Variants in ADAMTS20 observed in about 807,000 individuals in gnomAD.
ADAMTS20 encodes the protein ADAM metallopeptidase with thrombospondin type 1 motif 20.
Under a neutral mutation model 260.1 loss-of-function variants are expected in ADAMTS20, and 225 were observed. The ratio of observed to expected loss-of-function variants is 0.87; its 90% CI spans 0.78 to 0.97. The LOEUF (loss-of-function observed/expected upper bound fraction) is 0.97, where lower values mean the gene tolerates loss of function less well. ADAMTS20 is among the 50% of genes least tolerant of loss of function. ADAMTS20 has a pLI of 0.00. For missense variants in ADAMTS20, 2,400 were observed against 2,337.7 expected (o/e 1.03, Z -0.55); for synonymous variants, 802 against 769.5 (o/e 1.04, Z -0.70).
At chr12:43,501,347 A>G (rs1157729587) in intron 4 of ADAMTS20, among the ~76,000 whole-genome samples, 4 of 151,968 alleles carry the variant, frequency 2.6e-5, no homozygotes, top group Non-Finnish European at 5.9e-5. Flanking sequence ...AGTGTGAGCT[A>G]CCACACCTGG....
chr12:43,473,151 G>T, intron 7 of ADAMTS20, among the ~76,000 whole-genome samples: 1 of 60,770 alleles, frequency 1.6e-5, no homozygotes. Flanking sequence ...GATCTACCAA[G>T]CAAATGGAAA....
Position 43,432,419 on chromosome 12 carries a change from A to T in ADAMTS20, c.2981T>A (p.Met994Lys), listed in dbSNP as rs763642933. The T allele has an allele frequency of 1.1e-5, 18 of 1,613,688 alleles. No individual in the cohort carries two copies. The highest frequency in any genetic ancestry group is 5.0e-5 in the Admixed American group (3 of 59,956). Residue 994 changes from methionine to lysine, a missense_variant, in exon 21 of 39, where the codon ATG becomes AAG. Coordinates refer to ENST00000389420, the MANE Select transcript of ADAMTS20 (RefSeq NM_025003.5). The stretch of plus-strand genomic sequence containing the variant: ...AGCAAGACGATGGCCAAAGTTATTC[A>T]TACAATAAGATTCTCGAGACCTTTC... ...GGERSRESYC[M>K]NNFGHRLADN...
chr12:43,464,550 T>C (rs1000190800), intron 10 of ADAMTS20, 41 bp downstream of exon 10: 8 of 1,597,194 alleles, frequency 5.0e-6, no homozygotes, highest in Non-Finnish European at 6.8e-6. Flanking sequence ...GATAACTTTA[T>C]GGCAGTTTTC....
chr12:43,429,192 T>G (rs994064296), intron 24 of ADAMTS20, among the ~76,000 whole-genome samples: 1 of 152,070 alleles, frequency 6.6e-6, no homozygotes, highest in African/African-American at 2.4e-5. Flanking sequence ...ATTAAAATAT[T>G]CAGAGAATAT....
chr12:43,424,483 AC>A (rs1941293073), intron 28 of ADAMTS20, among the ~76,000 whole-genome samples: 1 of 152,156 alleles, frequency 6.6e-6, no homozygotes, highest in South Asian at 2.1e-4. Context: ...AAAACTGTAA[AC>A]AAGTTCTGTT....
At chr12:43,379,375 G>C (rs941240463) in intron 31 of ADAMTS20, among the ~76,000 whole-genome samples, 3 of 152,092 alleles carry the variant, frequency 2.0e-5, no homozygotes, top group African/African-American at 7.2e-5. Flanking sequence ...TGTATTAATG[G>C]GATCTAGATG....
chr12:43,407,037 T>G (rs1940932159), intron 28 of ADAMTS20, among the ~76,000 whole-genome samples: 1 of 151,992 alleles, frequency 6.6e-6, no homozygotes, highest in South Asian at 2.1e-4. Flanking sequence ...ATACTTACAG[T>G]TTTAAAGTTT....
chr12:43,411,017 T>A (rs571545259), intron 28 of ADAMTS20, among the ~76,000 whole-genome samples: 2 of 152,144 alleles, frequency 1.3e-5, no homozygotes, highest in Non-Finnish European at 2.9e-5. Context: ...TTTAAAGATA[T>A]GATAAAAAGA....
intron 29 of ADAMTS20, among the ~76,000 whole-genome samples, chr12:43,391,545 T>G (rs1011036500): frequency 3.9e-5 from 6 of 152,108 alleles, no homozygotes; most frequent in African/African-American, 1.4e-4. Context: ...GTTAAAAAAG[T>G]GTAGAGTATG....
At chr12:43,524,605 T>C (rs1401913365) in intron 3 of ADAMTS20, among the ~76,000 whole-genome samples, 1 of 151,846 alleles carries the variant, frequency 6.6e-6, no homozygotes, top group Non-Finnish European at 1.5e-5. Context: ...ATAAAGAAAT[T>C]TAAAAAACAA....
intron 29 of ADAMTS20, among the ~76,000 whole-genome samples, chr12:43,386,316 ACT>A (rs1431632755): frequency 3.3e-5 from 5 of 151,864 alleles, no homozygotes; most frequent in Non-Finnish European, 7.4e-5. Flanking sequence ...ATCGGCCCCC[ACT>A]CTCTTCTGGC....
chr12:43,540,945 T>C (rs374452188), intron 2 of ADAMTS20, among the ~76,000 whole-genome samples: 1 of 152,194 alleles, frequency 6.6e-6, no homozygotes, highest in African/African-American at 2.4e-5. Flanking sequence ...ATAAAATTGT[T>C]TTTCCAAAAT....
chr12:43,541,910 C>A (rs972066914), intron 2 of ADAMTS20, among the ~76,000 whole-genome samples: 3 of 152,156 alleles, frequency 2.0e-5, no homozygotes, highest in African/African-American at 7.2e-5. Context: ...TGGTACCTTA[C>A]CTTTTTAAAA....
chr12:43,375,051 A>C (rs561957286), intron 36 of ADAMTS20, among the ~76,000 whole-genome samples: 1 of 152,028 alleles, frequency 6.6e-6, no homozygotes, highest in Non-Finnish European at 1.5e-5. Context: ...GTGTGCCTGT[A>C]ATCCCAGCTA....
At chr12:43,391,801 T>C (rs1248550847) in intron 29 of ADAMTS20, among the ~76,000 whole-genome samples, 14 of 152,106 alleles carry the variant, frequency 9.2e-5, no homozygotes, top group Admixed American at 5.9e-4. Context: ...AAGAAAAAAA[T>C]TTAAAGCCCA....
intron 37 of ADAMTS20, among the ~76,000 whole-genome samples, chr12:43,360,911 C>A (rs1434748534): frequency 1.3e-5 from 2 of 152,234 alleles, no homozygotes; most frequent in Non-Finnish European, 2.9e-5. Flanking sequence ...GACCCACTGA[C>A]ATTAGCCGAA....
chr12:43,512,488 T>C (rs1392247664), intron 3 of ADAMTS20, among the ~76,000 whole-genome samples: 1 of 152,024 alleles, frequency 6.6e-6, no homozygotes, highest in Admixed American at 6.6e-5. Flanking sequence ...TAAAAGTGTA[T>C]GAAAATCTAC....
intron 28 of ADAMTS20, among the ~76,000 whole-genome samples, chr12:43,410,605 G>C (rs1461964792): frequency 6.6e-6 from 1 of 152,184 alleles, no homozygotes. Context: ...AGGTAAATTT[G>C]TTTGGATATA....
At chr12:43,511,104 T>G (rs780196435) in intron 3 of ADAMTS20, among the ~76,000 whole-genome samples, 1 of 152,088 alleles carries the variant, frequency 6.6e-6, no homozygotes, top group Non-Finnish European at 1.5e-5. Flanking sequence ...TTCAAAATGC[T>G]CCTTGTATTG....
Sources: gnomAD v4.1 joint callset for allele counts (sites outside exome capture counted in the v4.1 genomes callset) on GRCh38, gnomAD v4.1.1 for gene constraint, MANE v1.5 for transcripts, NCBI Gene and HGNC (gene_info 2026-07-23, HGNC 2026-07-21) for gene names.